SORCS1: variants seen among roughly 807,000 people sequenced by gnomAD.
The protein encoded by SORCS1 is sortilin related VPS10 domain containing receptor 1, also known as VPS10 domain-containing receptor SorCS1.
In SORCS1, 60 loss-of-function variants were observed where a neutral mutation model predicts 146.1. The ratio of observed to expected loss-of-function variants is 0.41; its 90% CI spans 0.33 to 0.51. SORCS1 has a LOEUF of 0.51. SORCS1 is among the 20% of genes least tolerant of loss of function. SORCS1 has a pLI of 0.21. For synonymous variants in SORCS1, 637 were observed against 584.0 expected (o/e 1.09, Z -1.31); for missense variants, 1,352 against 1,487.6 (o/e 0.91, Z 1.50).
chr10:106,837,151 A>C (rs1209688860), intron 2 of SORCS1, among the ~76,000 whole-genome samples: 1 of 152,214 alleles, frequency 6.6e-6, no homozygotes, highest in Non-Finnish European at 1.5e-5. Flanking sequence ...AGCAAAATCC[A>C]AAACTGCAGC....
At chr10:106,705,436 T>C (rs1854448534) in intron 8 of SORCS1, among the ~76,000 whole-genome samples, 1 of 152,194 alleles carries the variant, frequency 6.6e-6, no homozygotes, top group Non-Finnish European at 1.5e-5. Flanking sequence ...CCTTGTGTTA[T>C]GTCTATTATA....
At chr10:107,025,700 G>A (rs1251423298) in intron 1 of SORCS1, among the ~76,000 whole-genome samples, 1 of 152,204 alleles carries the variant, frequency 6.6e-6, no homozygotes, top group African/African-American at 2.4e-5. Context: ...AAATTCAGAT[G>A]GTCAGGCAAA....
At chr10:107,078,944 G>A (rs563128858) in intron 1 of SORCS1, among the ~76,000 whole-genome samples, 114 of 152,140 alleles carry the variant, frequency 7.5e-4, no homozygotes, top group Non-Finnish European at 1.4e-3. Flanking sequence ...TGTTGAGATC[G>A]GCTGGGCACG....
intron 17 of SORCS1, among the ~76,000 whole-genome samples, chr10:106,666,415 T>C (rs1175178437): frequency 6.6e-6 from 1 of 152,196 alleles, no homozygotes; most frequent in African/African-American, 2.4e-5. Context: ...ATTGGTTCTA[T>C]GGTTTCAGGC....
chr10:106,995,499 CA>C (rs1278741099), intron 1 of SORCS1, among the ~76,000 whole-genome samples: 1 of 152,038 alleles, frequency 6.6e-6, no homozygotes, highest in East Asian at 1.9e-4. Flanking sequence ...TGAAGCTACC[CA>C]CAGGTTATCC....
At chr10:106,937,977 A>C (rs1372645100) in intron 2 of SORCS1, among the ~76,000 whole-genome samples, 2 of 150,248 alleles carry the variant, frequency 1.3e-5, no homozygotes, top group Non-Finnish European at 2.9e-5. Context: ...AAGAAGAAAA[A>C]AAAAAAAAAA....
chr10:106,746,751 C>A (rs576008905), intron 5 of SORCS1, among the ~76,000 whole-genome samples: 1 of 152,304 alleles, frequency 6.6e-6, no homozygotes, highest in East Asian at 1.9e-4. Flanking sequence ...CAGATGACAA[C>A]ATAAAGATGT....
intron 2 of SORCS1, among the ~76,000 whole-genome samples, chr10:106,831,257 CCT>C (rs1948532767): frequency 2.0e-5 from 3 of 152,032 alleles, no homozygotes; most frequent in Non-Finnish European, 4.4e-5. Flanking sequence ...TATAAAATTT[CCT>C]CTCAGCTTTC....
chr10:106,606,993 T>C lies in SORCS1; in HGVS notation c.3165+173A>G, dbSNP rs141053060. On this transcript the variant is annotated intron_variant, in intron 23 of 25. Coordinates refer to ENST00000263054, the MANE Select transcript of SORCS1 (RefSeq NM_052918.5). ...TAAATTACCCAGTCTTGGGTATGTCTTTATTAGCAGTGTGAGAACAGACTA... is the reference window on the plus strand; with the variant it reads ...TAAATTACCCAGTCTTGGGTATGTCCTTATTAGCAGTGTGAGAACAGACTA... 2.7e-3 allele frequency among the ~76,000 whole-genome samples: 408 copies of C among 152,360 alleles called. 1 individual carries two copies. The highest frequency in any genetic ancestry group is 9.4e-3 in the African/African-American group (390 of 41,590).
chr10:106,869,380 C>A (rs1950328132), intron 2 of SORCS1, among the ~76,000 whole-genome samples: 1 of 152,032 alleles, frequency 6.6e-6, no homozygotes, highest in Non-Finnish European at 1.5e-5. Context: ...CTCGCAGACA[C>A]ACAACAAAAA....
At chr10:106,578,951 G>A (rs1236216781) in intron 25 of SORCS1, 5 of 1,434,268 alleles carry the variant, frequency 3.5e-6, no homozygotes, top group South Asian at 1.5e-5. Flanking sequence ...AGAGGAAGCA[G>A]GGAAAAAGCC....
At chr10:106,593,053 C>A (rs978166321) in intron 24 of SORCS1, among the ~76,000 whole-genome samples, 2 of 150,196 alleles carry the variant, frequency 1.3e-5, no homozygotes, top group Non-Finnish European at 3.0e-5. Flanking sequence ...GGCTTGAGCC[C>A]AGGGGGCAGA....
intron 2 of SORCS1, among the ~76,000 whole-genome samples, chr10:106,887,534 G>A (rs896524831): frequency 2.6e-5 from 4 of 151,966 alleles, no homozygotes; most frequent in Non-Finnish European, 2.9e-5. Flanking sequence ...CGGAGATCAC[G>A]CCACTCTACT....
At chr10:106,925,551 T>C (rs988008194) in intron 2 of SORCS1, among the ~76,000 whole-genome samples, 2 of 152,108 alleles carry the variant, frequency 1.3e-5, no homozygotes, top group African/African-American at 4.8e-5. Flanking sequence ...TCAGATTGAG[T>C]CTCTCCAATG....
intron 25 of SORCS1, 21 bp from the exon 26 acceptor site, chr10:106,577,576 C>T: frequency 6.2e-7 from 1 of 1,610,104 alleles, no homozygotes; most frequent in South Asian, 1.1e-5. Context: ...ACGTGTAACA[C>T]TTACTCATTT....
intron 2 of SORCS1, among the ~76,000 whole-genome samples, chr10:106,941,923 A>C (rs1954063976): frequency 1.3e-5 from 2 of 152,172 alleles, no homozygotes; most frequent in Admixed American, 1.3e-4. Context: ...ATCTCCCATA[A>C]CCAGGATGGA....
At chr10:106,623,748 C>T (rs1162196557) in intron 19 of SORCS1, among the ~76,000 whole-genome samples, 5 of 152,190 alleles carry the variant, frequency 3.3e-5, no homozygotes, top group Non-Finnish European at 5.9e-5. Flanking sequence ...TCACTGCAAC[C>T]TCCACCTCTC....
intron 1 of SORCS1, among the ~76,000 whole-genome samples, chr10:106,966,822 C>G (rs1955517638): frequency 6.6e-6 from 1 of 152,064 alleles, no homozygotes; most frequent in African/African-American, 2.4e-5. Context: ...AATACTGCAG[C>G]TCTCACTCAA....
intron 6 of SORCS1, among the ~76,000 whole-genome samples, chr10:106,724,996 C>T (rs1856045706): frequency 6.6e-6 from 1 of 151,886 alleles, no homozygotes; most frequent in African/African-American, 2.4e-5. Context: ...AAAAATCAGC[C>T]AGGTGTGGTG....
Sources: allele counts gnomAD v4.1 joint callset (sites outside exome capture counted in the v4.1 genomes callset), GRCh38; gene constraint gnomAD v4.1.1; transcripts MANE v1.5; gene names NCBI Gene and HGNC (gene_info 2026-07-23, HGNC 2026-07-21).